The following NETO1 variants were observed in gnomAD, a reference collection of about 807,000 sequenced individuals.
NETO1 encodes neuropilin and tolloid like 1.
A neutral mutation model predicts 61.3 loss-of-function variants in NETO1; 26 were observed. That is an observed-to-expected ratio of 0.42 (90% CI 0.31 to 0.59). NETO1 has a LOEUF of 0.59. Ranked by LOEUF, NETO1 falls within the 20% of genes least tolerant of loss-of-function variation. The probability of loss-of-function intolerance (pLI) is 0.12; values close to 1 mark genes in which losing one functional copy is unlikely to be tolerated. For synonymous variants in NETO1, 225 were observed against 225.8 expected (o/e 1.00, Z 0.03); for missense variants, 531 against 662.8 (o/e 0.80, Z 2.18).
Position 72,794,156 on chromosome 18 carries a change from A to G in NETO1, c.600T>C (p.Val200=). 1 of 1,614,192 alleles carries G rather than the reference A, an allele frequency of 6.2e-7. No individual in the cohort carries two copies. Among genetic ancestry groups the G allele is most frequent in the Non-Finnish European group, 8.5e-7 (1 of 1,180,038 alleles). The part of the protein sequence containing the change: ...KEGKATASEA[V]DCKWYIRAPP... ...GTGCTCGGATGTACCACTTGCAATC[A>G]ACAGCCTCGCTAGCAGTAGCTTTGC... Residue 200 remains valine (V), a synonymous_variant, in exon 6 of 11, where the codon GTT becomes GTC. Transcript: ENST00000327305.
Position 72,746,307 on chromosome 18 carries a change from T to C in NETO1, c.*1872A>G, listed in dbSNP as rs577710439. 6.6e-6 allele frequency among the ~76,000 whole-genome samples: 1 copy of C among 152,236 alleles called. No homozygotes were observed. The highest frequency in any genetic ancestry group is 2.1e-4 in the South Asian group (1 of 4,830). ...ATCCTTTAAAAAAATCTTTGGTGTATTAATTTTAAATTAAAGGGCAAAAAA... is the reference window on the plus strand; with the variant it reads ...ATCCTTTAAAAAAATCTTTGGTGTACTAATTTTAAATTAAAGGGCAAAAAA... On this transcript the variant is annotated 3_prime_UTR_variant, in exon 11 of 11. Coordinates refer to ENST00000327305, the MANE Select transcript of NETO1 (RefSeq NM_138966.5).
At chr18:72,774,173 A>G (rs2145191478) in intron 7 of NETO1, among the ~76,000 whole-genome samples, 1 of 152,220 alleles carries the variant, frequency 6.6e-6, no homozygotes, top group Non-Finnish European at 1.5e-5. Context: ...TATGGTGCAA[A>G]AGTTGTAAAG....
chr18:72,823,697 T>C (rs969946323), intron 4 of NETO1, among the ~76,000 whole-genome samples: 6 of 152,164 alleles, frequency 3.9e-5, no homozygotes, highest in African/African-American at 1.2e-4. Flanking sequence ...TGTTTTTCAA[T>C]AGATTTTTAA....
At chr18:72,771,826 T>A (rs1263844370) in intron 7 of NETO1, among the ~76,000 whole-genome samples, 1 of 152,214 alleles carries the variant, frequency 6.6e-6, no homozygotes, top group African/African-American at 2.4e-5. Context: ...AGGAATACTA[T>A]GCATTATTTT....
At chr18:72,807,757 C>CCT (rs143437135) in intron 4 of NETO1, among the ~76,000 whole-genome samples, 1,659 of 150,954 alleles carry the variant, frequency 0.011, 28 homozygotes, top group East Asian at 0.024. Context: ...CACACACACC[C>CCT]ATACTGTCCA....
intron 1 of NETO1, among the ~76,000 whole-genome samples, chr18:72,866,445 ATT>A (rs1458959471): frequency 6.6e-6 from 1 of 152,134 alleles, no homozygotes; most frequent in African/African-American, 2.4e-5. Flanking sequence ...AATCAATTTA[ATT>A]TGTCATGATT....
At chr18:72,863,952 G>C (rs762920993) in intron 3 of NETO1, among the ~76,000 whole-genome samples, 1 of 152,128 alleles carries the variant, frequency 6.6e-6, no homozygotes, top group African/African-American at 2.4e-5. Context: ...GGGAGCCATG[G>C]TTCACGCCTG....
At position 72,762,956 on chromosome 18, in the gene NETO1, T is replaced by C. The variant is rs1363881295; in HGVS notation, c.869-6809A>G. On this transcript the variant is annotated intron_variant, in intron 7 of 10. Transcript: ENST00000327305. ...AGGTAGATTTACATAATGTATTTAA[T>C]AAAGAATCATAGAACACATTGTTTT... Among the ~76,000 whole-genome samples, 3 of 152,318 alleles carry C rather than the reference T, an allele frequency of 2.0e-5. No individual in the cohort carries two copies. The East Asian group carries it at 5.8e-4, about 29-fold the overall frequency.
intron 4 of NETO1, among the ~76,000 whole-genome samples, chr18:72,839,987 C>A (rs1013878128): frequency 6.6e-6 from 1 of 152,184 alleles, no homozygotes; most frequent in Non-Finnish European, 1.5e-5. Flanking sequence ...AAGAACGCTG[C>A]GATGCTGTTG....
intron 8 of NETO1, 100 bp downstream of exon 8, chr18:72,755,934 A>G: frequency 1.6e-6 from 1 of 638,172 alleles, no homozygotes; most frequent in Non-Finnish European, 2.9e-6. Flanking sequence ...AAAAGGCACT[A>G]TACACTCTTA....
chr18:72,860,466 T>C (rs528735234), intron 3 of NETO1, among the ~76,000 whole-genome samples: 2 of 152,190 alleles, frequency 1.3e-5, no homozygotes, highest in Admixed American at 6.5e-5. Flanking sequence ...AACTTGGAAA[T>C]TGGAGACCTA....
intron 4 of NETO1, among the ~76,000 whole-genome samples, chr18:72,814,208 T>C (rs954736334): frequency 3.3e-5 from 5 of 152,130 alleles, no homozygotes; most frequent in African/African-American, 2.4e-5. Flanking sequence ...GGTAAACAGA[T>C]GGGCACTCAC....
chr18:72,816,848 T>C (rs1364621798), intron 4 of NETO1, among the ~76,000 whole-genome samples: 1 of 151,748 alleles, frequency 6.6e-6, no homozygotes. Flanking sequence ...GCTGCACCAA[T>C]TGGCTGCTGC....
chr18:72,863,474 C>T (rs552019698), intron 3 of NETO1, among the ~76,000 whole-genome samples: 5 of 152,294 alleles, frequency 3.3e-5, no homozygotes, highest in Non-Finnish European at 7.4e-5. Flanking sequence ...TCCTATGAGG[C>T]AGGTAGCGAG....
intron 7 of NETO1, among the ~76,000 whole-genome samples, chr18:72,760,209 T>C (rs2070925255): frequency 6.6e-6 from 1 of 152,202 alleles, no homozygotes; most frequent in Non-Finnish European, 1.5e-5. Flanking sequence ...TCAGCCAAAA[T>C]AATGTCCTGT....
At chr18:72,846,180 C>G (rs1172775683) in intron 4 of NETO1, among the ~76,000 whole-genome samples, 1 of 150,844 alleles carries the variant, frequency 6.6e-6, no homozygotes, top group Non-Finnish European at 1.5e-5. Flanking sequence ...AGCAGGAGAC[C>G]ACGGAAGAGG....
intron 7 of NETO1, among the ~76,000 whole-genome samples, chr18:72,762,564 GA>G (rs754764332): frequency 2.6e-4 from 39 of 152,184 alleles, no homozygotes; most frequent in Non-Finnish European, 4.0e-4. Flanking sequence ...AAGTTTGCAT[GA>G]AAAAATACGA....
At chr18:72,782,185 T>C (rs2071764781) in intron 7 of NETO1, among the ~76,000 whole-genome samples, 2 of 152,214 alleles carry the variant, frequency 1.3e-5, no homozygotes, top group South Asian at 4.1e-4. Context: ...GGTATCATTC[T>C]TTTTTATGGC....
intron 7 of NETO1, among the ~76,000 whole-genome samples, chr18:72,769,815 A>G (rs1022152519): frequency 8.5e-5 from 13 of 152,088 alleles, no homozygotes; most frequent in African/African-American, 3.1e-4. Context: ...CTACCACATC[A>G]TCTTAATAAA....
Sources: gnomAD v4.1 joint callset for allele counts (sites outside exome capture counted in the v4.1 genomes callset) on GRCh38, gnomAD v4.1.1 for gene constraint, MANE v1.5 for transcripts, NCBI Gene and HGNC (gene_info 2026-07-23, HGNC 2026-07-21) for gene names.